HS6ST3: variants seen among roughly 807,000 people sequenced by gnomAD.
HS6ST3 encodes the protein heparan-sulfate 6-O-sulfotransferase 3.
In HS6ST3, 12 loss-of-function variants were observed where a neutral mutation model predicts 36.7. The observed-to-expected ratio is 0.33, with a 90% CI of 0.21 to 0.53. HS6ST3 has a LOEUF of 0.53. Among genes scored for constraint, HS6ST3 ranks in the 20% least tolerant of loss-of-function variants. The probability of loss-of-function intolerance (pLI) is 0.95; values close to 1 mark genes in which losing one functional copy is unlikely to be tolerated. For missense variants in HS6ST3, 584 were observed against 640.9 expected, an observed-to-expected ratio of 0.91 and a Z score of 0.96; for synonymous variants, 240 against 257.5, an observed-to-expected ratio of 0.93 and a Z score of 0.65.
intron 1 of HS6ST3, among the ~76,000 whole-genome samples, chr13:96,769,734 C>CTGTGTG (rs66777701): frequency 0.021 from 2,977 of 140,254 alleles, 103 homozygotes; most frequent in African/African-American, 0.074. Context: ...ATTCCTAGCT[C>CTGTGTG]TGTGTGTGTG....
chr13:96,152,316 C>CTTTTTTTTTTTTTTTTTTTTT (rs766489670), intron 1 of HS6ST3, among the ~76,000 whole-genome samples: 6 of 97,090 alleles, frequency 6.2e-5, no homozygotes, highest in Non-Finnish European at 8.3e-5. Flanking sequence ...GGCCCCTTTC[C>CTTTTTTTTTTTTTTTTTTTTT]TTTTTTTTTT....
chr13:96,117,950 G>A (rs1039706990), intron 1 of HS6ST3, among the ~76,000 whole-genome samples: 1 of 151,628 alleles, frequency 6.6e-6, no homozygotes, highest in East Asian at 1.9e-4. Context: ...GCTCACTGTA[G>A]CCTCCTCCTC....
intron 1 of HS6ST3, among the ~76,000 whole-genome samples, chr13:96,515,564 C>G (rs1333916555): frequency 6.6e-6 from 1 of 152,204 alleles, no homozygotes; most frequent in Non-Finnish European, 1.5e-5. Context: ...GCTACCTCCT[C>G]TGATATGGTT....
chr13:96,802,041 A>G (rs1242092849), intron 1 of HS6ST3, among the ~76,000 whole-genome samples: 2 of 152,136 alleles, frequency 1.3e-5, no homozygotes, highest in African/African-American at 4.8e-5. Flanking sequence ...GAAGCACTCC[A>G]AAATACATTA....
chr13:96,090,172 G>C lies in HS6ST3; in HGVS notation c.-691G>C, dbSNP rs954712001. 4.6e-5 allele frequency among the ~76,000 whole-genome samples: 7 copies of C among 152,130 alleles called. No homozygotes were observed. Among genetic ancestry groups the C allele is most frequent in the Middle Eastern group, 3.4e-3 (1 of 290 alleles). On this transcript the variant is annotated 5_prime_UTR_variant, in exon 1 of 2. Transcript: ENST00000376705. The stretch of plus-strand genomic sequence containing the variant: ...CGAGTGTGTCTGCGTGCCTGCGCCT[G>C]GGCGGACAGCCCGGAGCGGCAGTGC...
chr13:96,727,043 C>T (rs1876023501), intron 1 of HS6ST3, among the ~76,000 whole-genome samples: 1 of 152,172 alleles, frequency 6.6e-6, no homozygotes, highest in Non-Finnish European at 1.5e-5. Context: ...TTTATACCCA[C>T]TTCTTTGATT....
chr13:96,324,643 T>C (rs1244486420), intron 1 of HS6ST3, among the ~76,000 whole-genome samples: 1 of 152,222 alleles, frequency 6.6e-6, no homozygotes, highest in Non-Finnish European at 1.5e-5. Flanking sequence ...GATGAGGTCA[T>C]TGGGGTGGCC....
intron 1 of HS6ST3, among the ~76,000 whole-genome samples, chr13:96,658,583 G>A (rs1486139371): frequency 6.0e-4 from 7 of 11,594 alleles, no homozygotes; most frequent in Admixed American, 3.0e-3. Flanking sequence ...ATGCCTGGCC[G>A]TATCTTTCTT....
intron 1 of HS6ST3, among the ~76,000 whole-genome samples, chr13:96,215,236 A>T (rs1050396259): frequency 2.0e-5 from 3 of 152,204 alleles, no homozygotes; most frequent in Non-Finnish European, 4.4e-5. Flanking sequence ...TTCTCGAGGA[A>T]GCAGGGACTC....
intron 1 of HS6ST3, among the ~76,000 whole-genome samples, chr13:96,220,619 T>G (rs960873025): frequency 2.0e-5 from 3 of 152,208 alleles, no homozygotes; most frequent in African/African-American, 7.2e-5. Context: ...AAACTTTGTT[T>G]TACCTTCTTT....
intron 1 of HS6ST3, among the ~76,000 whole-genome samples, chr13:96,663,362 C>T (rs1242607373): frequency 1.3e-5 from 2 of 152,022 alleles, no homozygotes; most frequent in African/African-American, 4.8e-5. Context: ...AATATTTTAC[C>T]AAAGAAGTCA....
chr13:96,678,799 CATT>C (rs1462797896), intron 1 of HS6ST3, among the ~76,000 whole-genome samples: 3 of 152,192 alleles, frequency 2.0e-5, no homozygotes. Context: ...TGATTCACCT[CATT>C]ATTTGTGCAA....
At chr13:96,544,988 G>A (rs1250395020) in intron 1 of HS6ST3, among the ~76,000 whole-genome samples, 2 of 152,140 alleles carry the variant, frequency 1.3e-5, no homozygotes, top group African/African-American at 2.4e-5. Context: ...AATTAGTATT[G>A]TAGAGGGAAT....
At chr13:96,675,184 G>A (rs1364589677) in intron 1 of HS6ST3, among the ~76,000 whole-genome samples, 1 of 151,964 alleles carries the variant, frequency 6.6e-6, no homozygotes, top group Non-Finnish European at 1.5e-5. Context: ...CACTCTCCCA[G>A]TATGAATTAT....
intron 1 of HS6ST3, among the ~76,000 whole-genome samples, chr13:96,368,117 T>G (rs2055272176): frequency 6.6e-6 from 1 of 152,184 alleles, no homozygotes; most frequent in African/African-American, 2.4e-5. Context: ...TGGGAACGCC[T>G]TTATTGCTTT....
intron 1 of HS6ST3, among the ~76,000 whole-genome samples, chr13:96,584,720 G>A (rs1366931547): frequency 6.6e-6 from 1 of 152,176 alleles, no homozygotes; most frequent in Admixed American, 6.5e-5. Context: ...AGCTCCTGGA[G>A]AAATGTAATA....
At chr13:96,727,621 C>G (rs773349658) in intron 1 of HS6ST3, among the ~76,000 whole-genome samples, 3 of 152,160 alleles carry the variant, frequency 2.0e-5, no homozygotes, top group Non-Finnish European at 4.4e-5. Context: ...TAAAAACTCT[C>G]AGGAAGGAGC....
chr13:96,164,310 C>T (rs906507836), intron 1 of HS6ST3, among the ~76,000 whole-genome samples: 3 of 152,056 alleles, frequency 2.0e-5, no homozygotes, highest in African/African-American at 2.4e-5. Flanking sequence ...TCAAGATTCT[C>T]GACTTGGCCA....
chr13:96,309,933 G>A (rs1391157378), intron 1 of HS6ST3, among the ~76,000 whole-genome samples: 1 of 152,002 alleles, frequency 6.6e-6, no homozygotes, highest in Non-Finnish European at 1.5e-5. Flanking sequence ...AGGTATAGTG[G>A]ATATATAGTT....
Sources: gnomAD v4.1 joint callset for allele counts (sites outside exome capture counted in the v4.1 genomes callset) on GRCh38, gnomAD v4.1.1 for gene constraint, MANE v1.5 for transcripts, NCBI Gene and HGNC (gene_info 2026-07-23, HGNC 2026-07-21) for gene names.